Variants in PPP4R1 observed in about 807,000 individuals in gnomAD.
PPP4R1 encodes the protein protein phosphatase 4 regulatory subunit 1, also known as serine/threonine-protein phosphatase 4 regulatory subunit 1.
Under a neutral mutation model 111.2 loss-of-function variants are expected in PPP4R1, and 42 were observed. The ratio of observed to expected loss-of-function variants is 0.38; its 90% CI spans 0.29 to 0.49. The LOEUF (loss-of-function observed/expected upper bound fraction) is 0.49, where lower values mean the gene tolerates loss of function less well. Ranked by LOEUF, PPP4R1 falls within the 20% of genes least tolerant of loss-of-function variation. The probability of loss-of-function intolerance (pLI) is 0.97; values close to 1 mark genes in which losing one functional copy is unlikely to be tolerated. For synonymous variants in PPP4R1, 409 were observed against 405.5 expected (o/e 1.01, Z -0.10); for missense variants, 1,012 against 1,161.6 (o/e 0.87, Z 1.87).
chr18:9,549,478 C>A, intron 18 of PPP4R1, 140 bp from the exon 19 acceptor site: 1 of 1,034,724 alleles, frequency 9.7e-7, no homozygotes, highest in South Asian at 1.6e-5. Flanking sequence ...TACTTGGGAA[C>A]TCAAATCAAA....
At chr18:9,556,828 A>C (rs777011790) in intron 15 of PPP4R1, among the ~76,000 whole-genome samples, 16 of 152,170 alleles carry the variant, frequency 1.1e-4, no homozygotes, top group Non-Finnish European at 1.9e-4. Flanking sequence ...CCCGGATGTG[A>C]AACTGGAGTA....
At chr18:9,556,591 G>A (rs536795729) in intron 15 of PPP4R1, among the ~76,000 whole-genome samples, 2 of 152,166 alleles carry the variant, frequency 1.3e-5, no homozygotes, top group Admixed American at 6.5e-5. Context: ...AACAACAACA[G>A]TACTCCAGGA....
At chr18:9,563,298 A>AT (rs1465673760) in intron 12 of PPP4R1, 80 bp downstream of exon 12, 2 of 1,417,874 alleles carry the variant, frequency 1.4e-6, no homozygotes, top group African/African-American at 1.4e-5. Context: ...ACTAAAAGTG[A>AT]TTAGCTACAA....
rs2145153152 is a variant in PPP4R1, at chr18:9,577,090, T to C, written c.1020A>G (p.Glu340=). Residue 340 remains glutamate (E), a synonymous_variant, in exon 10 of 20, where the codon GAA becomes GAG. Coordinates refer to ENST00000400556, the MANE Select transcript of PPP4R1 (RefSeq NM_001042388.3). ...QYFKEESKSS[E]EMSVENKNRT... ...TATTTTTGTTTTCTACTGACATCTCTTCTGAACTTTTGCTTTCTTCTTTAA... is the reference window on the plus strand; with the variant it reads ...TATTTTTGTTTTCTACTGACATCTCCTCTGAACTTTTGCTTTCTTCTTTAA... 6.3e-7 allele frequency: 1 copy of C among 1,586,508 alleles called. No homozygotes were observed. Among genetic ancestry groups the C allele is most frequent in the South Asian group, 1.2e-5 (1 of 86,566 alleles).
intron 2 of PPP4R1, among the ~76,000 whole-genome samples, chr18:9,601,215 T>TGG (rs201754125): frequency 7.7e-6 from 1 of 130,236 alleles, no homozygotes; most frequent in African/African-American, 3.4e-5. Flanking sequence ...TTTTTTTTTT[T>TGG]GGGGAAAAAA....
At chr18:9,560,282 A>G (rs1184089591) in intron 13 of PPP4R1, among the ~76,000 whole-genome samples, 1 of 152,028 alleles carries the variant, frequency 6.6e-6, no homozygotes, top group Non-Finnish European at 1.5e-5. Context: ...CTCTGTCTCA[A>G]AACAAAAATA....
At chr18:9,563,636 A>T in intron 11 of PPP4R1, 86 bp from the exon 12 acceptor site, 2 of 1,220,450 alleles carry the variant, frequency 1.6e-6, no homozygotes, top group Non-Finnish European at 2.2e-6. Flanking sequence ...ACTGTACGTT[A>T]TCAATGAAAT....
chr18:9,572,622 T>C (rs1406879901), intron 10 of PPP4R1, among the ~76,000 whole-genome samples: 1 of 152,166 alleles, frequency 6.6e-6, no homozygotes, highest in African/African-American at 2.4e-5. Context: ...ACAGGAGACT[T>C]AAAAGGACTG....
At chr18:9,582,349 C>T (rs2067043188) in intron 9 of PPP4R1, among the ~76,000 whole-genome samples, 2 of 151,918 alleles carry the variant, frequency 1.3e-5, no homozygotes, top group South Asian at 4.1e-4. Context: ...AAAGAAGAGG[C>T]ATTACTACTG....
At chr18:9,586,594 T>C (rs954394169) in intron 6 of PPP4R1, among the ~76,000 whole-genome samples, 1 of 152,134 alleles carries the variant, frequency 6.6e-6, no homozygotes, top group Non-Finnish European at 1.5e-5. Flanking sequence ...CTAAAAATAA[T>C]AGATTCAAGA....
At chr18:9,617,041 G>C (rs972799917), upstream of PPP4R1, 1 of 152,168 alleles carries the variant, frequency 6.6e-6, no homozygotes, top group East Asian at 1.9e-4. Context: ...TTTTAAACCA[G>C]TGTTTACAAA....
At chr18:9,560,124 T>C (rs917185025) in intron 13 of PPP4R1, among the ~76,000 whole-genome samples, 3 of 151,614 alleles carry the variant, frequency 2.0e-5, no homozygotes, top group African/African-American at 7.3e-5. Flanking sequence ...TACAAAAAAT[T>C]AAAAAATCAG....
At position 9,557,209 on chromosome 18, in the gene PPP4R1, T is replaced by A. The variant is rs1250829929; in HGVS notation, c.2190+12A>T. 6.4e-7 allele frequency: 1 copy of A among 1,562,342 alleles called. No individual in the cohort carries two copies. Among genetic ancestry groups the A allele is most frequent in the Non-Finnish European group, 8.6e-7 (1 of 1,160,428 alleles). ...TTTGTTGTGTTTTTATGCAAAAAAA[T>A]TTAAAAGTTACCTTCAGAAAATCAT... On this transcript the variant is annotated intron_variant, in intron 15 of 19. Coordinates refer to ENST00000400556, the MANE Select transcript of PPP4R1 (RefSeq NM_001042388.3).
intron 2 of PPP4R1, among the ~76,000 whole-genome samples, chr18:9,604,087 T>C (rs1259700190): frequency 6.6e-6 from 1 of 152,248 alleles, no homozygotes; most frequent in African/African-American, 2.4e-5. Flanking sequence ...AAAACACTGA[T>C]ATTTATAATA....
chr18:9,572,156 T>C (rs1384641139), intron 10 of PPP4R1, among the ~76,000 whole-genome samples: 1 of 152,102 alleles, frequency 6.6e-6, no homozygotes. Context: ...GCTATCCACG[T>C]TGGGTTCTAG....
chr18:9,564,697 G>GGTGTGTGTGTGTGTGTGTGTGT (rs1178823297), intron 11 of PPP4R1, among the ~76,000 whole-genome samples: 3 of 93,490 alleles, frequency 3.2e-5, no homozygotes, highest in East Asian at 2.9e-4. Context: ...TAAAGTGCAT[G>GGTGTGTGTGTGTGTGTGTGTGT]GTGTGTGTGT....
intron 2 of PPP4R1, among the ~76,000 whole-genome samples, chr18:9,607,131 G>A (rs2067494269): frequency 6.6e-6 from 1 of 152,176 alleles, no homozygotes; most frequent in Non-Finnish European, 1.5e-5. Context: ...GGCCAAGACA[G>A]GTGGATTGCT....
Position 9,614,328 on chromosome 18 carries a change from C to T in PPP4R1, c.8-58G>A. 18 of 1,102,636 alleles carry T rather than the reference C, an allele frequency of 1.6e-5. 1 individual carries two copies. Among genetic ancestry groups the T allele is most frequent in the South Asian group, 8.0e-5 (2 of 24,894 alleles). The allele number at this position is 1,102,636 out of a possible 1,614,324, so 68.3% of individuals were successfully genotyped here. A position where few individuals can be genotyped will look rare whatever the true frequency, so the allele number is the denominator to read the frequency against. ...AGCGCCCCGGGGCCCGGCGCGACGC[C>T]CCCCCCCCGCCCGCCTCCCCCCCGC... On this transcript the variant is annotated intron_variant, in intron 1 of 19. Coordinates refer to ENST00000400556, the MANE Select transcript of PPP4R1 (RefSeq NM_001042388.3). This position sits in a 1 kb window ranked among gnomAD's most constrained non-coding sequence, Gnocchi z 4.1.
chr18:9,570,370 T>C lies in PPP4R1; in HGVS notation c.1360A>G (p.Asn454Asp). Residue 454 changes from asparagine to aspartate, a missense_variant, in exon 11 of 20, where the codon AAC (asparagine) becomes GAC (aspartate). This residue lies in a region of PPP4R1 where 707 missense variants were observed against 742.1 expected (regional missense o/e 0.95). Coordinates refer to ENST00000400556, the MANE Select transcript of PPP4R1 (RefSeq NM_001042388.3). ...DSALLDQELY[N>D]SFHFWRTPLP... ...GGAGTCCTCCAGAAATGGAAGGAGT[T>C]ATACAATTCCTGATCTAAGAGAGCT... is the stretch of plus-strand genomic sequence containing the variant. 2.5e-6 allele frequency: 4 copies of C among 1,613,384 alleles called. No homozygotes were observed. Among genetic ancestry groups the C allele is most frequent in the Non-Finnish European group, 3.4e-6 (4 of 1,179,710 alleles).
Sources: gnomAD v4.1 joint callset for allele counts (sites outside exome capture counted in the v4.1 genomes callset) on GRCh38, gnomAD v4.1.1 for gene constraint, gnomAD v4.1.1 regional missense constraint, Gnocchi (gnomAD v3.1) non-coding constraint, MANE v1.5 for transcripts, NCBI Gene and HGNC (gene_info 2026-07-23, HGNC 2026-07-21) for gene names.